Variants in CTNNA3 observed in about 807,000 individuals in gnomAD.
CTNNA3 encodes the protein catenin alpha-3.
Under a neutral mutation model 95.7 loss-of-function variants are expected in CTNNA3, and 76 were observed. The ratio of observed to expected loss-of-function variants is 0.79; its 90% CI spans 0.66 to 0.96. The LOEUF (loss-of-function observed/expected upper bound fraction) is 0.96, where lower values mean the gene tolerates loss of function less well. Among genes scored for constraint, CTNNA3 ranks in the 40% least tolerant of loss-of-function variants. The probability of loss-of-function intolerance (pLI) is 0.00; values close to 1 mark genes in which losing one functional copy is unlikely to be tolerated. For missense variants in CTNNA3, 1,191 were observed against 1,089.8 expected (o/e 1.09, Z -1.31); for synonymous variants, 431 against 374.4 (o/e 1.15, Z -1.74).
intron 5 of CTNNA3, among the ~76,000 whole-genome samples, chr10:67,250,692 C>T (rs1201025818): frequency 6.6e-6 from 1 of 152,128 alleles, no homozygotes; most frequent in Non-Finnish European, 1.5e-5. Context: ...GGAGGGCCAT[C>T]TCTATACAAA....
intron 10 of CTNNA3, among the ~76,000 whole-genome samples, chr10:66,597,080 C>T (rs1430326956): frequency 6.6e-6 from 1 of 151,322 alleles, no homozygotes; most frequent in African/African-American, 2.4e-5. Flanking sequence ...CAGACTCAAG[C>T]AGAAAAAAGA....
At chr10:66,753,958 C>T (rs1167058888) in intron 9 of CTNNA3, among the ~76,000 whole-genome samples, 1 of 151,998 alleles carries the variant, frequency 6.6e-6, no homozygotes, top group East Asian at 1.9e-4. Flanking sequence ...GAAATACTCC[C>T]AAACTGATCT....
At chr10:67,630,337 G>A (rs148296604) in intron 2 of CTNNA3, among the ~76,000 whole-genome samples, 245 of 152,268 alleles carry the variant, frequency 1.6e-3, no homozygotes, top group Non-Finnish European at 3.2e-3. Context: ...TCATGTCCAG[G>A]TGAACATTTT....
intron 8 of CTNNA3, among the ~76,000 whole-genome samples, chr10:66,773,137 G>A (rs1840161649): frequency 6.6e-6 from 1 of 152,110 alleles, no homozygotes. Flanking sequence ...GGGTAAGTGA[G>A]GATAATGAGA....
At chr10:66,596,726 T>A (rs1397131428) in intron 10 of CTNNA3, among the ~76,000 whole-genome samples, 1 of 152,076 alleles carries the variant, frequency 6.6e-6, no homozygotes, top group Admixed American at 6.6e-5. Flanking sequence ...AGGAGATGAC[T>A]CCTTCTTCAA....
chr10:67,188,498 T>A (rs892845032), intron 6 of CTNNA3, among the ~76,000 whole-genome samples: 1 of 152,146 alleles, frequency 6.6e-6, no homozygotes, highest in African/African-American at 2.4e-5. Context: ...CAGGTAATCT[T>A]GATGACAAAG....
intron 7 of CTNNA3, among the ~76,000 whole-genome samples, chr10:66,950,208 C>T (rs1232516920): frequency 6.6e-6 from 1 of 152,048 alleles, no homozygotes; most frequent in African/African-American, 2.4e-5. Context: ...TCTGATACAA[C>T]CAAAAGCATT....
intron 5 of CTNNA3, among the ~76,000 whole-genome samples, chr10:67,344,018 T>A (rs182834351): frequency 1.2e-3 from 184 of 150,854 alleles, no homozygotes; most frequent in Middle Eastern, 6.9e-3. Flanking sequence ...TATACCCAGG[T>A]TTTTTAGGGT....
intron 7 of CTNNA3, among the ~76,000 whole-genome samples, chr10:67,110,644 T>C (rs1160587908): frequency 6.6e-6 from 1 of 152,162 alleles, no homozygotes; most frequent in Admixed American, 6.5e-5. Context: ...CCCCACCTAC[T>C]TTGCAAGAAC....
At chr10:67,447,852 C>T (rs912269398) in intron 5 of CTNNA3, among the ~76,000 whole-genome samples, 5 of 152,056 alleles carry the variant, frequency 3.3e-5, no homozygotes, top group African/African-American at 1.2e-4. Flanking sequence ...ATTTCCAGGG[C>T]CTAGATAAGA....
chr10:67,681,693 C>A (rs762686309), intron 1 of CTNNA3, among the ~76,000 whole-genome samples: 87 of 151,802 alleles, frequency 5.7e-4, no homozygotes, highest in Non-Finnish European at 8.7e-4. Flanking sequence ...ACTCAAAACC[C>A]AGAAGCTATA....
At chr10:66,435,433 A>G (rs895186987) in intron 11 of CTNNA3, among the ~76,000 whole-genome samples, 1 of 151,706 alleles carries the variant, frequency 6.6e-6, no homozygotes, top group East Asian at 1.9e-4. Context: ...GTTTATTTGC[A>G]TAGAGGTGTT....
chr10:66,388,135 C>A (rs749123516), intron 11 of CTNNA3, among the ~76,000 whole-genome samples: 6 of 151,900 alleles, frequency 3.9e-5, no homozygotes, highest in Non-Finnish European at 7.4e-5. Flanking sequence ...AGTATATTGG[C>A]AAGGTTTCTT....
chr10:66,541,758 C>T (rs1427213506), intron 10 of CTNNA3, among the ~76,000 whole-genome samples: 1 of 152,086 alleles, frequency 6.6e-6, no homozygotes, highest in Non-Finnish European at 1.5e-5. Flanking sequence ...CCTCATTCTT[C>T]CCCTTACTAC....
At chr10:66,673,239 C>T (rs1302048387) in intron 9 of CTNNA3, among the ~76,000 whole-genome samples, 1 of 152,018 alleles carries the variant, frequency 6.6e-6, no homozygotes. Context: ...TTGCATACCA[C>T]CTTTGTTTAT....
intron 12 of CTNNA3, among the ~76,000 whole-genome samples, chr10:66,355,446 G>A (rs1207611013): frequency 6.6e-6 from 1 of 151,986 alleles, no homozygotes; most frequent in African/African-American, 2.4e-5. Context: ...AACCCTCCAC[G>A]AATGACGCTT....
intron 7 of CTNNA3, among the ~76,000 whole-genome samples, chr10:67,018,126 C>T (rs569794213): frequency 6.6e-6 from 1 of 152,234 alleles, no homozygotes; most frequent in East Asian, 1.9e-4. Context: ...TGTTAATTCA[C>T]TTTTCAAGTG....
chr10:67,005,012 A>G (rs1332658427), intron 7 of CTNNA3, among the ~76,000 whole-genome samples: 2 of 152,200 alleles, frequency 1.3e-5, no homozygotes, highest in African/African-American at 4.8e-5. Flanking sequence ...CCCTCAAGGT[A>G]GTTTCATAGA....
chr10:67,606,401 T>G (rs886464632), intron 3 of CTNNA3, among the ~76,000 whole-genome samples: 4 of 152,186 alleles, frequency 2.6e-5, no homozygotes, highest in African/African-American at 9.7e-5. Context: ...TTTTGAAAAG[T>G]TTAGGAAGTC....
Sources: allele counts gnomAD v4.1 joint callset (sites outside exome capture counted in the v4.1 genomes callset), GRCh38; gene constraint gnomAD v4.1.1; transcripts MANE v1.5; gene names NCBI Gene and HGNC (gene_info 2026-07-23, HGNC 2026-07-21).